AKAP12: variants seen among roughly 807,000 people sequenced by gnomAD.
AKAP12 encodes the protein A-kinase anchor protein 12.
Under a neutral mutation model 79.9 loss-of-function variants are expected in AKAP12, and 32 were observed. The ratio of observed to expected loss-of-function variants is 0.40; its 90% CI spans 0.30 to 0.54. AKAP12 has a LOEUF of 0.54. Among genes scored for constraint, AKAP12 ranks in the 20% least tolerant of loss-of-function variants. The probability of loss-of-function intolerance (pLI) is 0.48; values close to 1 mark genes in which losing one functional copy is unlikely to be tolerated. For synonymous variants in AKAP12, 808 were observed against 857.0 expected (o/e 0.94, Z 1.00); for missense variants, 2,074 against 2,177.0 (o/e 0.95, Z 0.94).
intron 2 of AKAP12, among the ~76,000 whole-genome samples, chr6:151,278,273 T>G (rs1188959223): frequency 6.6e-6 from 1 of 152,262 alleles, no homozygotes; most frequent in Non-Finnish European, 1.5e-5. Flanking sequence ...TGGAGTAAAG[T>G]GGTGCGATCT....
At chr6:151,251,063 G>A (rs1797164386) in intron 2 of AKAP12, among the ~76,000 whole-genome samples, 1 of 152,146 alleles carries the variant, frequency 6.6e-6, no homozygotes, top group Non-Finnish European at 1.5e-5. Flanking sequence ...AGTTGGCTAG[G>A]TAATAGAAGA....
At chr6:151,306,284 C>T (rs1050498338) in intron 3 of AKAP12, among the ~76,000 whole-genome samples, 4 of 152,152 alleles carry the variant, frequency 2.6e-5, no homozygotes, top group African/African-American at 4.8e-5. Context: ...TTGCAAGGCA[C>T]GTACCCCTCT....
intron 3 of AKAP12, among the ~76,000 whole-genome samples, chr6:151,326,557 C>T (rs1777533628): frequency 6.6e-6 from 1 of 151,586 alleles, no homozygotes; most frequent in Non-Finnish European, 1.5e-5. Context: ...GGAATCTGGC[C>T]GTGAGTATGA....
At chr6:151,279,518 C>G (rs552325218) in intron 2 of AKAP12, among the ~76,000 whole-genome samples, 1 of 151,902 alleles carries the variant, frequency 6.6e-6, no homozygotes, top group Non-Finnish European at 1.5e-5. Flanking sequence ...AATATGTATG[C>G]AAGAAGAAAC....
At chr6:151,295,548 C>T (rs1776707051) in intron 2 of AKAP12, among the ~76,000 whole-genome samples, 1 of 152,140 alleles carries the variant, frequency 6.6e-6, no homozygotes, top group South Asian at 2.1e-4. Context: ...GTTCCAGCCG[C>T]CTTCCTTAAA....
intron 2 of AKAP12, among the ~76,000 whole-genome samples, chr6:151,290,852 C>T (rs865947779): frequency 1.5e-4 from 23 of 152,270 alleles, no homozygotes; most frequent in Admixed American, 2.6e-4. Context: ...TCAGATGATC[C>T]GCCCGCCTCG....
intron 2 of AKAP12, among the ~76,000 whole-genome samples, chr6:151,262,048 C>G (rs1354550717): frequency 1.3e-5 from 2 of 152,072 alleles, no homozygotes; most frequent in Non-Finnish European, 2.9e-5. Context: ...CTCCCAGGTT[C>G]AAGAGATTCT....
intron 2 of AKAP12, among the ~76,000 whole-genome samples, chr6:151,295,238 T>G (rs1421383168): frequency 6.6e-6 from 1 of 152,240 alleles, no homozygotes; most frequent in Non-Finnish European, 1.5e-5. Context: ...CATTATTTTC[T>G]AATAAGACAT....
At chr6:151,341,070 T>C (rs1466124262) in intron 3 of AKAP12, among the ~76,000 whole-genome samples, 1 of 151,442 alleles carries the variant, frequency 6.6e-6, no homozygotes, top group Non-Finnish European at 1.5e-5. Flanking sequence ...TTTTTTTTTT[T>C]TGACACAGTC....
intron 3 of AKAP12, among the ~76,000 whole-genome samples, chr6:151,314,265 T>C (rs987035209): frequency 1.3e-5 from 2 of 152,110 alleles, no homozygotes; most frequent in Non-Finnish European, 2.9e-5. Context: ...TAACCTCAAG[T>C]CATCCACCCA....
intron 3 of AKAP12, among the ~76,000 whole-genome samples, chr6:151,334,494 C>T (rs2114798634): frequency 6.6e-6 from 1 of 151,956 alleles, no homozygotes; most frequent in African/African-American, 2.4e-5. Context: ...ACTCAGGAGG[C>T]TGAGGCAGGA....
intron 3 of AKAP12, among the ~76,000 whole-genome samples, chr6:151,333,558 C>G (rs1392337161): frequency 1.3e-5 from 2 of 152,026 alleles, no homozygotes; most frequent in Non-Finnish European, 2.9e-5. Context: ...TGAGACCAAT[C>G]TGGCCAACAT....
At chr6:151,309,088 T>C (rs1410107914) in intron 3 of AKAP12, among the ~76,000 whole-genome samples, 1 of 152,194 alleles carries the variant, frequency 6.6e-6, no homozygotes, top group African/African-American at 2.4e-5. Flanking sequence ...CTGGCCAGGC[T>C]GGTCTCGAAC....
intron 3 of AKAP12, among the ~76,000 whole-genome samples, chr6:151,336,758 T>A (rs1380096136): frequency 1.3e-5 from 2 of 152,156 alleles, no homozygotes; most frequent in African/African-American, 4.8e-5. Context: ...AAATAAATAA[T>A]AAATAGCCAT....
chr6:151,243,151 A>G (rs28360577), intron 2 of AKAP12, among the ~76,000 whole-genome samples: 5,155 of 152,334 alleles, frequency 0.034, 113 homozygotes, highest in Middle Eastern at 0.058. Context: ...TTTATCTTAA[A>G]TAGACAAATA....
chr6:151,341,301 G>A (rs1777939138), intron 3 of AKAP12, among the ~76,000 whole-genome samples: 1 of 152,162 alleles, frequency 6.6e-6, no homozygotes, highest in African/African-American at 2.4e-5. Flanking sequence ...TGATCCGCCC[G>A]CTTTGGCCTC....
chr6:151,317,288 C>T (rs1777259044), intron 3 of AKAP12, among the ~76,000 whole-genome samples: 1 of 152,202 alleles, frequency 6.6e-6, no homozygotes, highest in Non-Finnish European at 1.5e-5. Context: ...TGCCTCCCTC[C>T]AACTGCTCTT....
intron 2 of AKAP12, among the ~76,000 whole-genome samples, chr6:151,271,153 T>C (rs1562715314): frequency 6.6e-6 from 1 of 152,136 alleles, no homozygotes; most frequent in Non-Finnish European, 1.5e-5. Context: ...AGAATCTTTT[T>C]GCCATCTTTG....
intron 2 of AKAP12, among the ~76,000 whole-genome samples, chr6:151,265,150 CA>C (rs567026860): frequency 0.014 from 935 of 68,686 alleles, 8 homozygotes; most frequent in African/African-American, 0.034. Flanking sequence ...GACTCCGTCT[CA>C]AAAAAAAAAA....
Sources: gnomAD v4.1 joint callset for allele counts (sites outside exome capture counted in the v4.1 genomes callset) on GRCh38, gnomAD v4.1.1 for gene constraint, MANE v1.5 for transcripts, NCBI Gene and HGNC (gene_info 2026-07-23, HGNC 2026-07-21) for gene names.